Variants in FEZ2 observed in about 807,000 individuals in gnomAD.
FEZ2 encodes the protein fasciculation and elongation protein zeta-2.
A neutral mutation model predicts 40.4 loss-of-function variants in FEZ2; 51 were observed. That is an observed-to-expected ratio of 1.26 (90% CI 1.01 to 1.59). The LOEUF (loss-of-function observed/expected upper bound fraction) is 1.59, where lower values mean the gene tolerates loss of function less well. Among genes scored for constraint, FEZ2 ranks in the 40% most tolerant of loss-of-function variants. The pLI is 0.00. For synonymous variants in FEZ2, 242 were observed against 172.0 expected, an observed-to-expected ratio of 1.41 and a Z score of -3.18; for missense variants, 640 against 438.3, an observed-to-expected ratio of 1.46 and a Z score of -4.11.
In FEZ2 at chr2:36,582,913, G is replaced by A. The variant is rs577972400; in HGVS notation, c.492+440C>T. On this transcript the variant is annotated intron_variant, in intron 3 of 7. Coordinates refer to ENST00000405912, the MANE Select transcript of FEZ2 (RefSeq NM_005102.3). ...GGTTGACCTTATTAGCGCATTCCAC[G>A]GGAATAATGCTCACTTCTTTCTGGG... 6.6e-5 allele frequency among the ~76,000 whole-genome samples: 10 copies of A among 152,252 alleles called. No individual in the cohort carries two copies. The East Asian group carries it at 1.2e-3, about 18-fold the overall frequency.
intron 2 of FEZ2, among the ~76,000 whole-genome samples, chr2:36,586,273 A>C (rs1668895847): frequency 6.6e-6 from 1 of 152,172 alleles, no homozygotes. Flanking sequence ...CCTATGTTGC[A>C]ACTTGAGGAC....
At chr2:36,582,990 G>A (rs11691600) in intron 3 of FEZ2, among the ~76,000 whole-genome samples, 53,260 of 152,036 alleles carry the variant, frequency 0.35, 9,452 homozygotes, top group Middle Eastern at 0.52. Context: ...CCAGGGTTTT[G>A]AAGATACTAA....
intron 1 of FEZ2, among the ~76,000 whole-genome samples, chr2:36,595,793 A>C (rs1204512741): frequency 1.3e-5 from 2 of 152,232 alleles, no homozygotes; most frequent in Admixed American, 1.3e-4. Flanking sequence ...TTTCATATGC[A>C]TTCCCAAGTC....
At position 36,581,265 on chromosome 2, in the gene FEZ2, C is replaced by G. The variant is rs770561244; in HGVS notation, c.634+25G>C. On this transcript the variant is annotated intron_variant, in intron 4 of 7. Transcript: ENST00000405912. ...TGATACAGACAAAAAGCACAGAAATCATTGATTTCAGCAGGCTCCCTTACT... is the reference window on the plus strand; with the variant it reads ...TGATACAGACAAAAAGCACAGAAATGATTGATTTCAGCAGGCTCCCTTACT... 3 of 1,606,590 alleles carry G rather than the reference C, an allele frequency of 1.9e-6. No homozygotes were observed. The South Asian group carries it at 3.3e-5, about 18-fold the overall frequency.
At chr2:36,587,838 G>A (rs893030282) in intron 2 of FEZ2, among the ~76,000 whole-genome samples, 6 of 152,018 alleles carry the variant, frequency 3.9e-5, no homozygotes, top group African/African-American at 4.8e-5. Context: ...ATAGAATGAC[G>A]TGATGACTTC....
intron 2 of FEZ2, among the ~76,000 whole-genome samples, chr2:36,586,668 C>T (rs183974962): frequency 4.6e-5 from 7 of 151,494 alleles, no homozygotes; most frequent in Middle Eastern, 3.4e-3. Flanking sequence ...GCCCAGGTTG[C>T]CATGGCTCAC....
At position 36,558,419 on chromosome 2, in the gene FEZ2, T is replaced by C. The variant is rs1558440603; in HGVS notation, c.979+19A>G. ...AGCAAAAGGAAATCAGGTAATAGTT[T>C]CATTTTGTCTTTGCTCACTTTTTGT... On this transcript the variant is annotated intron_variant, in intron 6 of 7. Transcript: ENST00000405912. 6.9e-7 allele frequency: 1 copy of C among 1,459,016 alleles called. No homozygotes were observed. Among genetic ancestry groups the C allele is most frequent in the Non-Finnish European group, 9.2e-7 (1 of 1,087,546 alleles). 90.4% of individuals were successfully genotyped at this position (1,459,016 alleles called of 1,614,324 possible). A position where few individuals can be genotyped will look rare whatever the true frequency, so the allele number is the denominator to read the frequency against.
chr2:36,555,801 A>G (rs1203543076), intron 6 of FEZ2, 53 bp from the exon 7 acceptor site: 6 of 1,000,788 alleles, frequency 6.0e-6, no homozygotes, highest in Non-Finnish European at 9.0e-6. Flanking sequence ...TAGATCAAAA[A>G]TATTATTTAA....
rs116080957 is a variant in FEZ2, at chr2:36,570,002, T to C, written c.903+8595A>G. ...TCCTGATAAATCACGACACTTTCAA[T>C]AGCTTGAATATGATTTTCAAACATT... On this transcript the variant is annotated intron_variant, in intron 5 of 7. Transcript: ENST00000405912. Among the ~76,000 whole-genome samples, 270 of 152,328 alleles carry C rather than the reference T, an allele frequency of 1.8e-3. 1 individual carries two copies. The highest frequency in any genetic ancestry group is 6.0e-3 in the African/African-American group (251 of 41,578).
At position 36,583,470 on chromosome 2, in the gene FEZ2, C is replaced by T. The variant is rs753606735; in HGVS notation, c.376-1G>A. 7.3e-5 allele frequency: 109 copies of T among 1,496,304 alleles called. No homozygotes were observed. Among genetic ancestry groups the T allele is most frequent in the Non-Finnish European group, 1.0e-4 (107 of 1,073,234 alleles). 92.7% of individuals were successfully genotyped at this position (1,496,304 alleles called of 1,614,324 possible). On this transcript the variant is annotated splice_acceptor_variant, in intron 2 of 7. Coordinates refer to ENST00000405912, the MANE Select transcript of FEZ2 (RefSeq NM_005102.3). LOFTEE classifies it high-confidence loss of function. ...TATCAAAGAGCAAACTGTCACTTAC[C>T]TAAAAACAAAAATACCCATCATTAA...
intron 1 of FEZ2, among the ~76,000 whole-genome samples, chr2:36,597,388 T>A (rs1669257613): frequency 6.6e-6 from 1 of 152,214 alleles, no homozygotes; most frequent in Non-Finnish European, 1.5e-5. Flanking sequence ...GCTAATTACA[T>A]CCATACATGT....
chr2:36,555,880 T>C, intron 6 of FEZ2, 132 bp from the exon 7 acceptor site: 1 of 660,530 alleles, frequency 1.5e-6, no homozygotes. Context: ...TTATAGGTGA[T>C]TTTCCTGATA....
Position 36,578,579 on chromosome 2 carries a change from C to A in FEZ2, c.903+18G>T. The stretch of plus-strand genomic sequence containing the variant: ...ACCTGTTTCCAGTGTTCGACGCCTC[C>A]TGCAAAACATCACTTACTGTGCCGG... On this transcript the variant is annotated intron_variant, in intron 5 of 7. Transcript: ENST00000405912. 6.2e-7 allele frequency: 1 copy of A among 1,602,006 alleles called. No homozygotes were observed. The highest frequency in any genetic ancestry group is 1.1e-5 in the South Asian group (1 of 88,714).
chr2:36,584,106 G>C (rs1230066492), intron 2 of FEZ2: 1 of 152,288 alleles, frequency 6.6e-6, no homozygotes, highest in African/African-American at 2.4e-5. Flanking sequence ...TGCCCTTGCT[G>C]TCTGGCTTCC....
At chr2:36,588,751 A>G (rs907460369) in intron 2 of FEZ2, among the ~76,000 whole-genome samples, 2 of 151,050 alleles carry the variant, frequency 1.3e-5, no homozygotes, top group Non-Finnish European at 3.0e-5. Context: ...ATTATTTTCA[A>G]TTGTTGTGTT....
At chr2:36,596,737 G>C (rs538776881) in intron 1 of FEZ2, among the ~76,000 whole-genome samples, 57 of 152,164 alleles carry the variant, frequency 3.7e-4, no homozygotes, top group Middle Eastern at 3.4e-3. Context: ...CAAAGTGCTG[G>C]GATCACAGGT....
intron 7 of FEZ2, chr2:36,554,401 T>G: frequency 2.2e-6 from 1 of 448,638 alleles, no homozygotes; most frequent in Non-Finnish European, 4.6e-6. Flanking sequence ...CTGGCCCTCA[T>G]AGAGGCCTAG....
intron 5 of FEZ2, among the ~76,000 whole-genome samples, chr2:36,576,014 A>G (rs963789124): frequency 1.3e-5 from 2 of 152,236 alleles, no homozygotes; most frequent in African/African-American, 4.8e-5. Context: ...CAGGTAACAT[A>G]TGACAATTCT....
Position 36,555,751 on chromosome 2 carries a change from G to GAGAGTTGCTTCCCTGATTTAAAATTT in FEZ2, c.980-4_980-3insAAATTTTAAATCAGGGAAGCAACTCT. ...GTCCTCCTTCATGGCACGAAGAACT[G>GAGAGTTGCTTCCCTGATTTAAAATTT]CAAAATAGAAGAGGGGAAAAAAGAC... On this transcript the variant is annotated splice_polypyrimidine_tract_variant and splice_region_variant and intron_variant, in intron 6 of 7. Transcript: ENST00000405912. The GAGAGTTGCTTCCCTGATTTAAAATTT allele has an allele frequency of 6.5e-7, 1 of 1,540,392 alleles. No homozygotes were observed. Among genetic ancestry groups the GAGAGTTGCTTCCCTGATTTAAAATTT allele is most frequent in the African/African-American group, 1.4e-5 (1 of 71,686 alleles).
Sources: gnomAD v4.1 joint callset for allele counts (sites outside exome capture counted in the v4.1 genomes callset) on GRCh38, gnomAD v4.1.1 for gene constraint, MANE v1.5 for transcripts, NCBI Gene and HGNC (gene_info 2026-07-23, HGNC 2026-07-21) for gene names.